NRG3: variants seen among roughly 807,000 people sequenced by gnomAD.
NRG3 encodes the protein pro-neuregulin-3, membrane-bound isoform.
Under a neutral mutation model 66.9 loss-of-function variants are expected in NRG3, and 31 were observed. The observed-to-expected ratio is 0.46, with a 90% CI of 0.35 to 0.63. The LOEUF is 0.63. NRG3 is among the 20% of genes least tolerant of loss of function. The pLI is 0.00. For missense variants in NRG3, 910 were observed against 878.9 expected (o/e 1.04, Z -0.45); for synonymous variants, 393 against 359.4 (o/e 1.09, Z -1.06).
chr10:82,166,031 A>AT (rs995629427), intron 1 of NRG3, among the ~76,000 whole-genome samples: 5 of 150,224 alleles, frequency 3.3e-5, no homozygotes, highest in Admixed American at 2.0e-4. Flanking sequence ...TTTATTATTA[A>AT]TTTTTTTTGT....
intron 2 of NRG3, among the ~76,000 whole-genome samples, chr10:82,690,952 T>C (rs2134200151): frequency 6.6e-6 from 1 of 152,242 alleles, no homozygotes; most frequent in South Asian, 2.1e-4. Context: ...GCCTGGTACT[T>C]CCTTCACTTC....
intron 3 of NRG3, among the ~76,000 whole-genome samples, chr10:82,824,632 C>T (rs2135598884): frequency 6.6e-6 from 1 of 151,946 alleles, no homozygotes. Context: ...TAATATTGAG[C>T]ATCTTCTTAT....
intron 1 of NRG3, among the ~76,000 whole-genome samples, chr10:82,283,412 T>A (rs2079230769): frequency 1.3e-5 from 2 of 152,142 alleles, no homozygotes; most frequent in Non-Finnish European, 2.9e-5. Flanking sequence ...CAGAGTCAAG[T>A]TTTCACTGGA....
Position 82,785,281 on chromosome 10 carries a change from C to G in NRG3, c.1027+46631C>G, listed in dbSNP as rs531813089. Among the ~76,000 whole-genome samples the G allele has an allele frequency of 2.0e-5, 3 of 151,636 alleles. 1 individual carries two copies. The highest frequency in any genetic ancestry group is 4.8e-5 in the African/African-American group (2 of 41,284). On this transcript the variant is annotated intron_variant, in intron 3 of 8. Transcript: ENST00000372141. ...ATGACGAGTTAATGGGTGCAGCACA[C>G]CAGCATGGCACATGTATACATACGT...
intron 2 of NRG3, among the ~76,000 whole-genome samples, chr10:82,706,719 C>T (rs1049430873): frequency 1.1e-4 from 17 of 152,086 alleles, no homozygotes; most frequent in Admixed American, 2.0e-4. Flanking sequence ...TGAGGTTGGG[C>T]GTGGTGGCTC....
At chr10:82,955,593 C>G (rs551272542) in intron 5 of NRG3, among the ~76,000 whole-genome samples, 1 of 151,868 alleles carries the variant, frequency 6.6e-6, no homozygotes, top group South Asian at 2.1e-4. Flanking sequence ...GAGGCAGAAT[C>G]TGAAACAGGT....
intron 2 of NRG3, among the ~76,000 whole-genome samples, chr10:82,624,881 T>C (rs2049302768): frequency 6.8e-6 from 1 of 147,072 alleles, no homozygotes; most frequent in Admixed American, 6.9e-5. Flanking sequence ...TCATTAATTT[T>C]AAGAAAGGAT....
At chr10:82,316,918 G>A (rs912551928) in intron 1 of NRG3, among the ~76,000 whole-genome samples, 1 of 152,154 alleles carries the variant, frequency 6.6e-6, no homozygotes, top group Non-Finnish European at 1.5e-5. Context: ...GCACTGGGAG[G>A]CGAAGAACTT....
rs1412014764 is a variant in NRG3 at position 82,958,954 on chromosome 10, A to G, written c.1163A>G (p.Gln388Arg). ...CAAFYFKSKK[Q>R]AKQIQEQLKV... The stretch of plus-strand genomic sequence containing the variant: ...ACGTTTATTTATGCCTGCAGGAAAC[A>G]AGCTAAACAAATCCAAGAGCAGCTG... The change falls in exon 6 of 9, where the codon CAA becomes CGA. Residue 388 changes from glutamine to arginine, a missense_variant. Coordinates refer to ENST00000372141, the MANE Select transcript of NRG3 (RefSeq NM_001010848.4). 3.8e-6 allele frequency: 6 copies of G among 1,586,022 alleles called. No individual in the cohort carries two copies. Among genetic ancestry groups the G allele is most frequent in the Non-Finnish European group, 5.1e-6 (6 of 1,171,356 alleles).
intron 3 of NRG3, among the ~76,000 whole-genome samples, chr10:82,853,388 G>A (rs1196564405): frequency 6.6e-6 from 1 of 152,154 alleles, no homozygotes; most frequent in African/African-American, 2.4e-5. Context: ...TTGGCAGCAT[G>A]GTCATTTTCA....
chr10:82,405,400 A>G (rs1390428736), intron 2 of NRG3, among the ~76,000 whole-genome samples: 1 of 151,834 alleles, frequency 6.6e-6, no homozygotes, highest in Admixed American at 6.6e-5. Context: ...TGTTAATGGC[A>G]TGACAGAGAT....
intron 1 of NRG3, among the ~76,000 whole-genome samples, chr10:82,349,946 T>C (rs1589811801): frequency 6.6e-6 from 1 of 152,164 alleles, no homozygotes; most frequent in Non-Finnish European, 1.5e-5. Flanking sequence ...GCGCACCCAC[T>C]GACCTGCGCC....
chr10:82,601,571 C>G (rs1324557815), intron 2 of NRG3, among the ~76,000 whole-genome samples: 2 of 151,770 alleles, frequency 1.3e-5, no homozygotes, highest in South Asian at 2.1e-4. Context: ...TACTGGCAAT[C>G]TATTAGAATC....
At chr10:82,387,206 G>T (rs1281276492) in intron 2 of NRG3, among the ~76,000 whole-genome samples, 1 of 152,150 alleles carries the variant, frequency 6.6e-6, no homozygotes, top group Non-Finnish European at 1.5e-5. Flanking sequence ...AATGGAAACA[G>T]AACTGCTTTT....
At chr10:82,192,423 A>G (rs950467700) in intron 1 of NRG3, among the ~76,000 whole-genome samples, 3 of 152,214 alleles carry the variant, frequency 2.0e-5, no homozygotes, top group African/African-American at 7.2e-5. Flanking sequence ...GAGTGGGCAT[A>G]GGGTACAGAT....
chr10:82,574,707 A>G (rs2045934769), intron 2 of NRG3, among the ~76,000 whole-genome samples: 2 of 151,804 alleles, frequency 1.3e-5, no homozygotes, highest in African/African-American at 4.8e-5. Flanking sequence ...ACATAATGCA[A>G]TACTATTCAG....
rs552179731 is a variant in NRG3 at position 82,419,412 on chromosome 10, T to C, written c.953+60544T>C. ...TTTCTTGATCACTTGTCTAAAACAG[T>C]AACTGAGAGCCACACAACACAACCT... is the stretch of plus-strand genomic sequence containing the variant. On this transcript the variant is annotated intron_variant, in intron 2 of 8. Transcript: ENST00000372141. 1.1e-3 allele frequency among the ~76,000 whole-genome samples: 171 copies of C among 152,310 alleles called. 1 individual carries two copies. The highest frequency in any genetic ancestry group is 3.8e-3 in the African/African-American group (156 of 41,580).
intron 1 of NRG3, among the ~76,000 whole-genome samples, chr10:82,314,681 G>A (rs191810402): frequency 9.9e-5 from 15 of 152,192 alleles, no homozygotes; most frequent in African/African-American, 3.1e-4. Context: ...ATGGTGGCGG[G>A]CGCCTGTAAT....
intron 2 of NRG3, among the ~76,000 whole-genome samples, chr10:82,367,757 G>C (rs2084636521): frequency 6.6e-6 from 1 of 152,082 alleles, no homozygotes; most frequent in Admixed American, 6.6e-5. Flanking sequence ...AACTTAGGAG[G>C]CTGAGGTGGG....
Sources: gnomAD v4.1 joint callset for allele counts (sites outside exome capture counted in the v4.1 genomes callset) on GRCh38, gnomAD v4.1.1 for gene constraint, MANE v1.5 for transcripts, NCBI Gene and HGNC (gene_info 2026-07-23, HGNC 2026-07-21) for gene names.